The following TCEA3 variants were observed in gnomAD, a reference collection of about 807,000 sequenced individuals.
TCEA3 encodes the protein transcription elongation factor A3.
In TCEA3, 36 loss-of-function variants were observed where a neutral mutation model predicts 44.0. That is an observed-to-expected ratio of 0.82 (90% CI 0.63 to 1.08). The LOEUF is 1.08. TCEA3 is among the 50% of genes least tolerant of loss of function. The pLI is 0.00. For synonymous variants in TCEA3, 162 were observed against 159.7 expected, an observed-to-expected ratio of 1.01 and a Z score of -0.11; for missense variants, 392 against 441.2, an observed-to-expected ratio of 0.89 and a Z score of 1.00.
In TCEA3 at chr1:23,385,616, A is replaced by G. The variant is rs12563351; in HGVS notation, c.967-1199T>C. On this transcript the variant is annotated intron_variant, in intron 9 of 10. Coordinates refer to ENST00000450454, the MANE Select transcript of TCEA3 (RefSeq NM_003196.3). Reference sequence around the variant, plus strand: ...TGCTCTTGATAAATGGTGTGTGCCGAACAGACGGAGAACTCTGAATAGAGT... The same window carrying G: ...TGCTCTTGATAAATGGTGTGTGCCGGACAGACGGAGAACTCTGAATAGAGT... 5.0e-4 allele frequency among the ~76,000 whole-genome samples: 76 copies of G among 152,316 alleles called. No homozygotes were observed. The East Asian group carries it at 0.014, about 29-fold the overall frequency.
intron 4 of TCEA3, among the ~76,000 whole-genome samples, chr1:23,413,986 GTATATATA>G (rs33960365): frequency 2.1e-4 from 29 of 141,030 alleles, no homozygotes; most frequent in African/African-American, 7.2e-4. Flanking sequence ...CTAGCAGGAT[GTATATATA>G]TATATATATA....
At chr1:23,392,386 A>G (rs1413116615) in intron 8 of TCEA3, among the ~76,000 whole-genome samples, 1 of 137,806 alleles carries the variant, frequency 7.3e-6, no homozygotes, top group Non-Finnish European at 1.6e-5. Flanking sequence ...CACATCATAC[A>G]CAAAACACAC....
intron 8 of TCEA3, among the ~76,000 whole-genome samples, chr1:23,390,325 C>T (rs1380312928): frequency 6.6e-6 from 1 of 151,996 alleles, no homozygotes; most frequent in Non-Finnish European, 1.5e-5. Flanking sequence ...AAAAATTAGC[C>T]AGGCATGGTT....
intron 4 of TCEA3, among the ~76,000 whole-genome samples, chr1:23,410,504 G>A (rs367870768): frequency 5.3e-5 from 8 of 151,962 alleles, no homozygotes; most frequent in Non-Finnish European, 8.8e-5. Context: ...AGATTAGACC[G>A]TAAGAAAATA....
chr1:23,424,688 G>C lies in TCEA3; in HGVS notation c.-55C>G, dbSNP rs1307240180. On this transcript the variant is annotated 5_prime_UTR_variant, in exon 1 of 11. Coordinates refer to ENST00000450454, the MANE Select transcript of TCEA3 (RefSeq NM_003196.3). ...GGCACAGGGGCAGCAGTAGGGCCTCGGGGGCAGGAGGCGCGAAGGCGGAGG... is the reference window on the plus strand; with the variant it reads ...GGCACAGGGGCAGCAGTAGGGCCTCCGGGGCAGGAGGCGCGAAGGCGGAGG... 2 of 1,409,014 alleles carry C rather than the reference G, an allele frequency of 1.4e-6. No homozygotes were observed. Among genetic ancestry groups the C allele is most frequent in the Non-Finnish European group, 9.8e-7 (1 of 1,020,730 alleles). 87.3% of individuals were successfully genotyped at this position (1,409,014 alleles called of 1,614,324 possible). A position where few individuals can be genotyped will look rare whatever the true frequency, so the allele number is the denominator to read the frequency against.
chr1:23,411,019 G>A (rs972132242), intron 4 of TCEA3: 1 of 205,838 alleles, frequency 4.9e-6, no homozygotes, highest in Non-Finnish European at 1.0e-5. Flanking sequence ...CAACAAATGA[G>A]ATGTGGTGAT....
chr1:23,385,358 T>C (rs975426273), intron 9 of TCEA3, among the ~76,000 whole-genome samples: 2 of 152,206 alleles, frequency 1.3e-5, no homozygotes, highest in African/African-American at 2.4e-5. Flanking sequence ...TAGCGCAGCC[T>C]GGTCACTGGA....
chr1:23,403,108 G>T (rs917681650), intron 5 of TCEA3, among the ~76,000 whole-genome samples: 3 of 152,270 alleles, frequency 2.0e-5, no homozygotes, highest in Non-Finnish European at 4.4e-5. Context: ...TCGCTGACCT[G>T]TGCGTGCCAT....
intron 4 of TCEA3, among the ~76,000 whole-genome samples, chr1:23,409,456 G>A (rs1639649842): frequency 6.6e-6 from 1 of 152,042 alleles, no homozygotes; most frequent in African/African-American, 2.4e-5. Context: ...AAATCAATCT[G>A]TTTGTTAATT....
chr1:23,387,340 G>T lies in TCEA3; in HGVS notation c.899C>A (p.Thr300Asn). The change falls in exon 9 of 11, where the codon ACT becomes AAT. Residue 300 changes from threonine (T) to asparagine (N), a missense_variant. Physicochemically the swap from Thr to Asn is moderately conservative, Grantham distance 65 (BLOSUM62 0). Coordinates refer to ENST00000450454, the MANE Select transcript of TCEA3 (RefSeq NM_003196.3). ...EAIREHQMAK[T>N]GGTTTDLFQC... ...GAAGAGGTCAGTGGTGGTGCCGCCAGTCTTGGCCATCTGGTGCTCACGGAT... is the reference window on the plus strand; with the variant it reads ...GAAGAGGTCAGTGGTGGTGCCGCCATTCTTGGCCATCTGGTGCTCACGGAT... The T allele has an allele frequency of 6.2e-7, 1 of 1,613,856 alleles. No individual in the cohort carries two copies. Among genetic ancestry groups the T allele is most frequent in the African/African-American group, 1.3e-5 (1 of 75,054 alleles).
chr1:23,389,928 C>T (rs148212669), intron 8 of TCEA3, among the ~76,000 whole-genome samples: 25 of 152,236 alleles, frequency 1.6e-4, no homozygotes, highest in Non-Finnish European at 3.2e-4. Flanking sequence ...CTGAGTCCAA[C>T]GGATTCAGAA....
intron 5 of TCEA3, among the ~76,000 whole-genome samples, chr1:23,402,204 G>A (rs1432872611): frequency 6.6e-6 from 1 of 152,164 alleles, no homozygotes; most frequent in East Asian, 1.9e-4. Context: ...GCTGGGTATG[G>A]TGGCGCATGC....
At chr1:23,398,154 C>G (rs940871589) in intron 5 of TCEA3, among the ~76,000 whole-genome samples, 199 bp from the exon 6 acceptor site, 1 of 152,010 alleles carries the variant, frequency 6.6e-6, no homozygotes, top group Non-Finnish European at 1.5e-5. Flanking sequence ...TATTCTCATC[C>G]CCATTCGAGA....
At chr1:23,410,377 A>G (rs1639673256) in intron 4 of TCEA3, among the ~76,000 whole-genome samples, 1 of 152,150 alleles carries the variant, frequency 6.6e-6, no homozygotes, top group Non-Finnish European at 1.5e-5. Flanking sequence ...GTTATTGCAA[A>G]TGACTGTTAT....
Position 23,417,379 on chromosome 1 carries a change from G to T in TCEA3, c.250C>A (p.Pro84Thr). 1 of 1,612,866 alleles carries T rather than the reference G, an allele frequency of 6.2e-7. No homozygotes were observed. The highest frequency in any genetic ancestry group is 2.2e-5 in the East Asian group (1 of 44,874). The change falls in exon 4 of 11, where the codon CCC (proline) becomes ACC (threonine). Residue 84 changes from proline (P) to threonine (T), a missense_variant. Pro to Thr is a conservative substitution (Grantham distance 38). Coordinates refer to ENST00000450454, the MANE Select transcript of TCEA3 (RefSeq NM_003196.3). ...NWKRLLDSPG[P>T]PKGEKGEERE... is the part of the protein sequence containing the mutation. ...TCCTCTCCTTTTTCTCCTTTTGGGG[G>T]TCCAGGGGAGTCTGAAAACAAAAGG...
intron 4 of TCEA3, among the ~76,000 whole-genome samples, chr1:23,414,293 T>C (rs1160071854): frequency 6.6e-6 from 1 of 152,106 alleles, no homozygotes; most frequent in Non-Finnish European, 1.5e-5. Flanking sequence ...GGTTTCACCA[T>C]GTTGGCCAGG....
chr1:23,388,984 G>C (rs914923648), intron 8 of TCEA3, among the ~76,000 whole-genome samples: 3 of 152,160 alleles, frequency 2.0e-5, no homozygotes, highest in African/African-American at 4.8e-5. Flanking sequence ...CGCCTGGCCA[G>C]AATATGCATT....
chr1:23,399,162 A>ATGTATATATG (rs1639318771), intron 5 of TCEA3, among the ~76,000 whole-genome samples: 2 of 124,384 alleles, frequency 1.6e-5, no homozygotes, highest in Admixed American at 1.6e-4. Context: ...ATATATATAT[A>ATGTATATATG]TATATATATA....
intron 1 of TCEA3, 91 bp downstream of exon 1, chr1:23,424,474 G>A (rs1570306651): frequency 8.1e-7 from 1 of 1,228,480 alleles, no homozygotes; most frequent in Non-Finnish European, 1.2e-6. Context: ...GCGCCCCCAT[G>A]GCGCCCCGCC....
Sources: allele counts gnomAD v4.1 joint callset (sites outside exome capture counted in the v4.1 genomes callset), GRCh38; gene constraint gnomAD v4.1.1; transcripts MANE v1.5; gene names NCBI Gene and HGNC (gene_info 2026-07-23, HGNC 2026-07-21).